Variants in SCUBE3 observed in about 807,000 individuals in gnomAD.
SCUBE3 encodes the protein signal peptide, CUB and EGF-like domain-containing protein 3.
A neutral mutation model predicts 116.8 loss-of-function variants in SCUBE3; 33 were observed. The observed-to-expected ratio is 0.28, with a 90% CI of 0.21 to 0.38. The LOEUF is 0.38. Among genes scored for constraint, SCUBE3 ranks in the 10% least tolerant of loss-of-function variants. The pLI is 1.00. For synonymous variants in SCUBE3, 418 were observed against 496.9 expected (o/e 0.84, Z 2.11); for missense variants, 1,007 against 1,324.8 (o/e 0.76, Z 3.72).
Position 35,245,231 on chromosome 6 carries a change from G to A in SCUBE3, c.2405G>A (p.Arg802His), listed in dbSNP as rs141180169. Residue 802 changes from arginine (R) to histidine (H), a missense_variant, in exon 19 of 22, where the codon CGT (arginine) becomes CAT (histidine). This residue lies in a region of SCUBE3 where 544 missense variants were observed against 638.9 expected (regional missense o/e 0.85). Transcript: ENST00000274938. The surrounding 1 kb of genome is among the most constrained non-coding windows in gnomAD (Gnocchi z 4.2). Reference protein sequence around the residue: ...GSTSVAQCKNRQCGGELGEFT... With the variant: ...GSTSVAQCKNHQCGGELGEFT... ...ATCCACTGGGGTTTGGCTGCAGATC[G>A]TCAGTGTGGTGGGGAGCTGGGTGAG... 247 of 1,614,020 alleles carry A rather than the reference G, an allele frequency of 1.5e-4. No homozygotes were observed. Among genetic ancestry groups the A allele is most frequent in the Non-Finnish European group, 2.0e-4 (231 of 1,180,000 alleles).
Position 35,243,719 on chromosome 6 carries a change from G to T in SCUBE3, c.2035G>T (p.Gly679Trp). ...CDLCPGSDAH[G>W]PLGATNVTTC... ...CCTTTGCCCTGGGAGTGATGCCCAC[G>T]GGCCTCTTGGAGCCACCAACGTCAC... Residue 679 changes from glycine to tryptophan, a missense_variant, in exon 16 of 22, where the codon GGG (glycine) becomes TGG (tryptophan). By Grantham distance (184) the Gly-to-Trp change is radical. Transcript: ENST00000274938. This position sits in a 1 kb window ranked among gnomAD's most constrained non-coding sequence, Gnocchi z 6.6. 1 of 1,614,128 alleles carries T rather than the reference G, an allele frequency of 6.2e-7. No homozygotes were observed.
intron 3 of SCUBE3, among the ~76,000 whole-genome samples, chr6:35,229,091 GA>G (rs1783432924): frequency 6.6e-6 from 1 of 152,032 alleles, no homozygotes; most frequent in Non-Finnish European, 1.5e-5. Flanking sequence ...CCAATCTCTG[GA>G]AATCTCATCT....
In SCUBE3 at chr6:35,242,337, C is replaced by G; in HGVS notation, c.1534+17C>G. On this transcript the variant is annotated intron_variant, in intron 13 of 21. Transcript: ENST00000274938. ...CAGGGCCAGGTTTGGACTGGGGACC[C>G]CATTCCAGTTGGCTGTCTGGCCACT... 6.4e-7 allele frequency: 1 copy of G among 1,552,918 alleles called. No homozygotes were observed. Among genetic ancestry groups the G allele is most frequent in the East Asian group, 2.2e-5 (1 of 44,606 alleles).
rs117986659 is a variant in SCUBE3 at position 35,245,644 on chromosome 6, C to A, written c.2599+219C>A. On this transcript the variant is annotated intron_variant, in intron 19 of 21. Coordinates refer to ENST00000274938, the MANE Select transcript of SCUBE3 (RefSeq NM_152753.4). The surrounding 1 kb of genome is among the most constrained non-coding windows in gnomAD (Gnocchi z 4.2). ...AGAGTTAAGAAAGCTAGCAGTGGGGCTAGAACTCCAATGGCGTTACATGTA... is the reference window on the plus strand; with the variant it reads ...AGAGTTAAGAAAGCTAGCAGTGGGGATAGAACTCCAATGGCGTTACATGTA... Among the ~76,000 whole-genome samples, 33 of 152,264 alleles carry A rather than the reference C, an allele frequency of 2.2e-4. No homozygotes were observed. In the East Asian group the frequency reaches 5.2e-3, roughly 24 times the overall value.
At position 35,244,023 on chromosome 6, in the gene SCUBE3, G is replaced by A. The variant is rs759865585; in HGVS notation, c.2132G>A (p.Arg711His). 3.4e-5 allele frequency: 55 copies of A among 1,614,006 alleles called. No individual in the cohort carries two copies. In the East Asian group the frequency reaches 9.8e-4, roughly 29 times the overall value. Reference sequence around the variant, plus strand: ...TTCAAGCCCTGTCAGCCATGCCCACGTGGCACCTACCAACCTGAAGCAGGA... The same window carrying A: ...TTCAAGCCCTGTCAGCCATGCCCACATGGCACCTACCAACCTGAAGCAGGA... ...DGFKPCQPCP[R>H]GTYQPEAGRT... The change falls in exon 17 of 22, where the codon CGT becomes CAT. Residue 711 changes from arginine to histidine, a missense_variant. Physicochemically the swap from Arg to His is conservative, Grantham distance 29. Coordinates refer to ENST00000274938, the MANE Select transcript of SCUBE3 (RefSeq NM_152753.4). The surrounding 1 kb of genome is among the most constrained non-coding windows in gnomAD (Gnocchi z 4.3).
chr6:35,228,871 C>T lies in SCUBE3; in HGVS notation c.334+132C>T, dbSNP rs1783423882. ...TACATTCACAAGAGAATAAGGTCAG[C>T]CTCCCCTTTGAGACTGGCCACTTAG... On this transcript the variant is annotated intron_variant, in intron 3 of 21. Coordinates refer to ENST00000274938, the MANE Select transcript of SCUBE3 (RefSeq NM_152753.4). The surrounding 1 kb of genome is among the most constrained non-coding windows in gnomAD (Gnocchi z 4.9). 4.1e-6 allele frequency: 4 copies of T among 966,850 alleles called. No homozygotes were observed. The highest frequency in any genetic ancestry group is 1.6e-5 in the African/African-American group (1 of 62,300). The allele number at this position is 966,850 out of a possible 1,614,324, so 59.9% of individuals were successfully genotyped here.
rs368954755 is a variant in SCUBE3 at position 35,242,611 on chromosome 6, C to G, written c.1535-11C>G. ...GGGATGTCCCTGGGGTTGACAAGCC[C>G]TCTCTCCCAGGTGGTGCCCCCTGCT... On this transcript the variant is annotated splice_polypyrimidine_tract_variant and intron_variant, in intron 13 of 21. Transcript: ENST00000274938. 1 of 1,602,098 alleles carries G rather than the reference C, an allele frequency of 6.2e-7. No homozygotes were observed. Among genetic ancestry groups the G allele is most frequent in the Non-Finnish European group, 8.5e-7 (1 of 1,170,326 alleles).
Position 35,244,680 on chromosome 6 carries a change from C to A in SCUBE3, c.2270C>A (p.Thr757Asn). 2 of 1,614,164 alleles carry A rather than the reference C, an allele frequency of 1.2e-6. No homozygotes were observed. The highest frequency in any genetic ancestry group is 1.7e-6 in the Non-Finnish European group (2 of 1,180,002). Residue 757 changes from threonine (T) to asparagine (N), a missense_variant, in exon 18 of 22, where the codon ACC (threonine) becomes AAC (asparagine). Thr to Asn is a moderately conservative substitution (Grantham distance 65). Around this residue, in one of 5 missense-constraint regions of SCUBE3, gnomAD observed 544 missense variants for 638.9 expected, o/e 0.85. Coordinates refer to ENST00000274938, the MANE Select transcript of SCUBE3 (RefSeq NM_152753.4). This position sits in a 1 kb window ranked among gnomAD's most constrained non-coding sequence, Gnocchi z 4.3. The stretch of plus-strand genomic sequence containing the variant: ...TGCTCCCCAGGGCACTACTACAACA[C>A]CAGCATCCACCGCTGTATTCGCTGT... ...VQCSPGHYYN[T>N]SIHRCIRCAM...
rs1244663572 is a variant in SCUBE3 at position 35,249,370 on chromosome 6, G to A, written c.*665G>A. On this transcript the variant is annotated 3_prime_UTR_variant, in exon 22 of 22. Coordinates refer to ENST00000274938, the MANE Select transcript of SCUBE3 (RefSeq NM_152753.4). ...GTTTACAAATGGCCCACAACACTGA[G>A]TTAGTGGACACCGGCTAAATGAGGA... 2 of 152,506 alleles carry A rather than the reference G, an allele frequency of 1.3e-5. No homozygotes were observed. The highest frequency in any genetic ancestry group is 1.3e-4 in the Admixed American group (2 of 15,276). The allele number at this position is 152,506 out of a possible 1,614,324, so 9.4% of individuals were successfully genotyped here. A position where few individuals can be genotyped will look rare whatever the true frequency, so the allele number is the denominator to read the frequency against.
Position 35,245,241 on chromosome 6 carries a change from T to G in SCUBE3, c.2415T>G (p.Gly805=), listed in dbSNP as rs974502339. 8.1e-6 allele frequency: 13 copies of G among 1,613,960 alleles called. No homozygotes were observed. Among genetic ancestry groups the G allele is most frequent in the Non-Finnish European group, 1.1e-5 (13 of 1,179,996 alleles). ...GTTTGGCTGCAGATCGTCAGTGTGGTGGGGAGCTGGGTGAGTTCACTGGCT... is the reference window on the plus strand; with the variant it reads ...GTTTGGCTGCAGATCGTCAGTGTGGGGGGGAGCTGGGTGAGTTCACTGGCT... ...SVAQCKNRQC[G]GELGEFTGYI... is the part of the protein sequence containing the mutation. Residue 805 remains glycine (G), a synonymous_variant, in exon 19 of 22, where the codon GGT becomes GGG. Transcript: ENST00000274938. This position sits in a 1 kb window ranked among gnomAD's most constrained non-coding sequence, Gnocchi z 4.2.
chr6:35,247,145 T>C (rs1455571511), intron 21 of SCUBE3, among the ~76,000 whole-genome samples: 3 of 151,658 alleles, frequency 2.0e-5, no homozygotes, highest in African/African-American at 7.3e-5. Flanking sequence ...CTTAAGAAAC[T>C]ATAGTCTGGC....
chr6:35,228,757 G>A lies in SCUBE3; in HGVS notation c.334+18G>A, dbSNP rs1783420595. The stretch of plus-strand genomic sequence containing the variant: ...CTGTCTGGGTAAGCAAAGGAGAGGG[G>A]ATTTGGTGGAGGGATGTCTTGTGGA... On this transcript the variant is annotated intron_variant, in intron 3 of 21. Coordinates refer to ENST00000274938, the MANE Select transcript of SCUBE3 (RefSeq NM_152753.4). The surrounding 1 kb of genome is among the most constrained non-coding windows in gnomAD (Gnocchi z 4.9). 1.2e-6 allele frequency: 2 copies of A among 1,613,344 alleles called. No homozygotes were observed. The highest frequency in any genetic ancestry group is 1.7e-6 in the Non-Finnish European group (2 of 1,179,302).
Position 35,239,777 on chromosome 6 carries a change from C to T in SCUBE3, c.855C>T (p.Asn285=), listed in dbSNP as rs1476890176. The change falls in exon 8 of 22, where the codon AAC becomes AAT. Residue 285 remains asparagine, a synonymous_variant. Coordinates refer to ENST00000274938, the MANE Select transcript of SCUBE3 (RefSeq NM_152753.4). This position sits in a 1 kb window ranked among gnomAD's most constrained non-coding sequence, Gnocchi z 4.1. ...CKDIDECRLN[N]GGCDHICRNT... ...ATATAGATGAGTGCCGCTTAAACAA[C>T]GGGGGCTGTGACCATATTTGCCGCA... 12 of 1,612,048 alleles carry T rather than the reference C, an allele frequency of 7.4e-6. No individual in the cohort carries two copies. Among genetic ancestry groups the T allele is most frequent in the East Asian group, 2.2e-5 (1 of 44,748 alleles).
At position 35,227,573 on chromosome 6, in the gene SCUBE3, C is replaced by T; in HGVS notation, c.86-7C>T. On this transcript the variant is annotated splice_region_variant and splice_polypyrimidine_tract_variant and intron_variant, in intron 1 of 21. Coordinates refer to ENST00000274938, the MANE Select transcript of SCUBE3 (RefSeq NM_152753.4). ...AGGTTCTCATGTGCCCCCTCTGCCC[C>T]TGCCAGATGTGGATGAGTGTGTGGA... 1 of 1,614,170 alleles carries T rather than the reference C, an allele frequency of 6.2e-7. No individual in the cohort carries two copies. Among genetic ancestry groups the T allele is most frequent in the Non-Finnish European group, 8.5e-7 (1 of 1,180,022 alleles).
At position 35,250,095 on chromosome 6, in the gene SCUBE3, C is replaced by G. The variant is rs1156358347; in HGVS notation, c.*1390C>G. 1 of 152,546 alleles carries G rather than the reference C, an allele frequency of 6.6e-6. No homozygotes were observed. Among genetic ancestry groups the G allele is most frequent in the Non-Finnish European group, 1.5e-5 (1 of 68,054 alleles). The allele number at this position is 152,546 out of a possible 1,614,324, so 9.4% of individuals were successfully genotyped here. A position where few individuals can be genotyped will look rare whatever the true frequency, so the allele number is the denominator to read the frequency against. ...CTGTCTCTATGCCACCACTGGCCAC[C>G]TAGAGCCCTTGGCTGTGGTAATCCA... On this transcript the variant is annotated 3_prime_UTR_variant, in exon 22 of 22. Transcript: ENST00000274938.
rs1282806346 is a variant in SCUBE3 at position 35,237,994 on chromosome 6, C to A, written c.805C>A (p.Gln269Lys). The change falls in exon 7 of 22, where the codon CAG becomes AAG. Residue 269 changes from glutamine (Q) to lysine (K), a missense_variant. This residue lies in a region of SCUBE3 where 214 missense variants were observed against 316.7 expected (regional missense o/e 0.68). Coordinates refer to ENST00000274938, the MANE Select transcript of SCUBE3 (RefSeq NM_152753.4). ...HCTCPVGFML[Q>K]PDRKTCKDID... ...CACCTGCCCTGTGGGCTTCATGCTG[C>A]AGCCAGACAGGAAGACGTGCAAAGG... is the stretch of plus-strand genomic sequence containing the variant. 5 of 1,605,216 alleles carry A rather than the reference C, an allele frequency of 3.1e-6. No homozygotes were observed. In the African/African-American group the frequency reaches 5.4e-5, roughly 17 times the overall value.
Position 35,232,759 on chromosome 6 carries a change from C to G in SCUBE3, c.470-91C>G. On this transcript the variant is annotated intron_variant, in intron 4 of 21. Coordinates refer to ENST00000274938, the MANE Select transcript of SCUBE3 (RefSeq NM_152753.4). This position sits in a 1 kb window ranked among gnomAD's most constrained non-coding sequence, Gnocchi z 4.2. ...GAATTCAACCTCAGTAGAATTCTCC[C>G]AGTTCCCTAGGTCCCCAGTTGCCCC... 1 of 1,313,582 alleles carries G rather than the reference C, an allele frequency of 7.6e-7. No homozygotes were observed. The highest frequency in any genetic ancestry group is 1.1e-6 in the Non-Finnish European group (1 of 923,972). 81.4% of individuals were successfully genotyped at this position (1,313,582 alleles called of 1,614,324 possible).
Position 35,242,724 on chromosome 6 carries a change from A to G in SCUBE3, c.1637A>G (p.Glu546Gly). The stretch of plus-strand genomic sequence containing the variant: ...CGGGCCCGGACCCCTCCAGGCAAAG[A>G]GGTCACAAGGCTCACCCTGGAACTG... ...GRRARTPPGK[E>G]VTRLTLELEA... Residue 546 changes from glutamate (E) to glycine (G), a missense_variant, in exon 14 of 22, where the codon GAG becomes GGG. Physicochemically the swap from Glu to Gly is moderately conservative, Grantham distance 98 (BLOSUM62 -2). Coordinates refer to ENST00000274938, the MANE Select transcript of SCUBE3 (RefSeq NM_152753.4). 1 of 1,614,128 alleles carries G rather than the reference A, an allele frequency of 6.2e-7. No individual in the cohort carries two copies. Among genetic ancestry groups the G allele is most frequent in the Non-Finnish European group, 8.5e-7 (1 of 1,179,964 alleles).
At chr6:35,242,156 A>T (rs1784095934) in intron 12 of SCUBE3, 48 bp from the exon 13 acceptor site, 2 of 1,386,036 alleles carry the variant, frequency 1.4e-6, no homozygotes, top group African/African-American at 1.4e-5. Context: ...GGCACCCCCG[A>T]CCTCCATGGG....
Sources: gnomAD v4.1 joint callset for allele counts (sites outside exome capture counted in the v4.1 genomes callset) on GRCh38, gnomAD v4.1.1 for gene constraint, gnomAD v4.1.1 regional missense constraint, Gnocchi (gnomAD v3.1) non-coding constraint, MANE v1.5 for transcripts, NCBI Gene and HGNC (gene_info 2026-07-23, HGNC 2026-07-21) for gene names.